The following PCDHGA4 variants were observed in gnomAD, a reference collection of about 807,000 sequenced individuals.
The protein encoded by PCDHGA4 is protocadherin gamma subfamily A, 4, also known as protocadherin gamma-A4.
In PCDHGA4, 38 loss-of-function variants were observed where a neutral mutation model predicts 54.6. The observed-to-expected ratio is 0.70, with a 90% CI of 0.54 to 0.91. PCDHGA4 has a LOEUF of 0.91. Among genes scored for constraint, PCDHGA4 ranks in the 40% least tolerant of loss-of-function variants. The pLI, the probability that PCDHGA4 is intolerant of heterozygous loss-of-function variation, is 0.00. For missense variants in PCDHGA4, 1,298 were observed against 1,220.9 expected, an observed-to-expected ratio of 1.06 and a Z score of -0.94; for synonymous variants, 511 against 512.9, an observed-to-expected ratio of 1.00 and a Z score of 0.05.
rs748115530 is a variant in PCDHGA4 at position 141,489,429 on chromosome 5, G to C, written c.2515-5378G>C. 5 of 1,614,022 alleles carry C rather than the reference G, an allele frequency of 3.1e-6. No individual in the cohort carries two copies. The East Asian group carries it at 8.9e-5, about 29-fold the overall frequency. ...AGATGACAGATCTGTTGAGCCGGCG[G>C]CTGCAATTGGGCTCTGAGGAGAATG... On this transcript the variant is annotated intron_variant, in intron 1 of 3. Transcript: ENST00000571252. The surrounding 1 kb of genome is among the most constrained non-coding windows in gnomAD (Gnocchi z 4.5).
chr5:141,480,429 T>A (rs72790066), intron 1 of PCDHGA4, among the ~76,000 whole-genome samples: 9,317 of 151,926 alleles, frequency 0.061, 335 homozygotes, highest in South Asian at 0.12. Context: ...AAAAAAATTA[T>A]CAGCTATTAC....
At chr5:141,373,805 GAT>G in intron 1 of PCDHGA4, 2 of 337,732 alleles carry the variant, frequency 5.9e-6, no homozygotes, top group African/African-American at 2.1e-5. Context: ...TCCTCTGTGT[GAT>G]AGTTTCACAA....
intron 1 of PCDHGA4, chr5:141,389,522 G>T (rs983186726): frequency 5.0e-6 from 8 of 1,613,060 alleles, no homozygotes; most frequent in Middle Eastern, 3.3e-4. Flanking sequence ...ACGTGAGCCT[G>T]CGCGTGTTAG....
chr5:141,374,510 C>T (rs760895208), intron 1 of PCDHGA4: 2 of 1,611,824 alleles, frequency 1.2e-6, no homozygotes, highest in East Asian at 2.2e-5. Context: ...AGTGAAAATT[C>T]TCGAAAACGC....
rs1348847945 is a variant in PCDHGA4, at chr5:141,493,426, C to G, written c.2515-1381C>G. ...TGCCTCTGCTGGGATTTTGCTTCTG[C>G]TGGGATGGGGCAAGGGTGGGGTTCC... On this transcript the variant is annotated intron_variant, in intron 1 of 3. Transcript: ENST00000571252. The surrounding 1 kb of genome is among the most constrained non-coding windows in gnomAD (Gnocchi z 4.3). Among the ~76,000 whole-genome samples, 2 of 152,144 alleles carry G rather than the reference C, an allele frequency of 1.3e-5. No homozygotes were observed. The highest frequency in any genetic ancestry group is 4.8e-5 in the African/African-American group (2 of 41,424).
intron 1 of PCDHGA4, among the ~76,000 whole-genome samples, chr5:141,381,823 C>CA (rs1777504204): frequency 2.0e-5 from 2 of 101,610 alleles, no homozygotes; most frequent in African/African-American, 8.6e-5. Flanking sequence ...TTTCTTTCTT[C>CA]TTCTTTTTTT....
At chr5:141,444,115 AG>A (rs1206374963) in intron 1 of PCDHGA4, among the ~76,000 whole-genome samples, 3 of 147,326 alleles carry the variant, frequency 2.0e-5, no homozygotes, top group Admixed American at 2.0e-4. Context: ...AGAAAAGTGA[AG>A]TATCTCAACA....
intron 1 of PCDHGA4, chr5:141,383,555 A>G: frequency 6.2e-7 from 1 of 1,611,868 alleles, no homozygotes; most frequent in East Asian, 2.2e-5. Context: ...GATGGCGGCG[A>G]CCCGCCCCGA....
At chr5:141,421,034 C>G (rs2096540283) in intron 1 of PCDHGA4, 2 of 538,266 alleles carry the variant, frequency 3.7e-6, no homozygotes, top group Non-Finnish European at 6.4e-6. Context: ...CATTGAGTCC[C>G]TCCCTCCCCC....
chr5:141,433,291 T>A, intron 1 of PCDHGA4: 1 of 1,094,048 alleles, frequency 9.1e-7, no homozygotes, highest in Non-Finnish European at 1.3e-6. Flanking sequence ...ACTCCTAGGC[T>A]CAAGCAATTA....
chr5:141,389,463 G>C (rs1201903320), intron 1 of PCDHGA4: 1 of 1,613,192 alleles, frequency 6.2e-7, no homozygotes, highest in African/African-American at 1.3e-5. Context: ...GCGCGCCTTC[G>C]AACTCACACT....
At chr5:141,500,360 T>C (rs1224064939) in intron 2 of PCDHGA4, among the ~76,000 whole-genome samples, 1 of 151,664 alleles carries the variant, frequency 6.6e-6, no homozygotes, top group Non-Finnish European at 1.5e-5. Context: ...AGGCGCCCAC[T>C]ACCACGCCCG....
At chr5:141,410,480 G>A in intron 1 of PCDHGA4, 1 of 1,613,966 alleles carries the variant, frequency 6.2e-7, no homozygotes, top group Non-Finnish European at 8.5e-7. Context: ...TGCACATACG[G>A]GTACAAAAGA....
chr5:141,414,903 C>A, intron 1 of PCDHGA4: 2 of 1,614,218 alleles, frequency 1.2e-6, no homozygotes, highest in Non-Finnish European at 1.7e-6. Flanking sequence ...CAGACGGTTC[C>A]ACAGGCGTGG....
intron 1 of PCDHGA4, chr5:141,361,139 T>G (rs1305491971): frequency 1.2e-6 from 2 of 1,613,878 alleles, no homozygotes; most frequent in Non-Finnish European, 1.7e-6. Context: ...AGTATCCAAG[T>G]TGAAATTCTT....
At position 141,404,735 on chromosome 5, in the gene PCDHGA4, G is replaced by A. The variant is rs2094561317; in HGVS notation, c.2514+47114G>A. The stretch of plus-strand genomic sequence containing the variant: ...CCTGGTGACCAAGGTGGTGGCAGTG[G>A]ACAGAGACTCAGGCCAGAATGCTTG... On this transcript the variant is annotated intron_variant, in intron 1 of 3. Transcript: ENST00000571252. 6.2e-7 allele frequency: 1 copy of A among 1,614,014 alleles called. No homozygotes were observed. The highest frequency in any genetic ancestry group is 8.5e-7 in the Non-Finnish European group (1 of 1,180,032).
At chr5:141,460,951 G>GTATATATA (rs200454978) in intron 1 of PCDHGA4, among the ~76,000 whole-genome samples, 42 of 139,772 alleles carry the variant, frequency 3.0e-4, no homozygotes, top group African/African-American at 1.1e-3. Context: ...TATGTATTAT[G>GTATATATA]TATATATATA....
At position 141,399,286 on chromosome 5, in the gene PCDHGA4, C is replaced by T; in HGVS notation, c.2514+41665C>T. 3.1e-6 allele frequency: 5 copies of T among 1,613,858 alleles called. No individual in the cohort carries two copies. In the South Asian group the frequency reaches 5.5e-5, roughly 18 times the overall value. ...TAATTGTCAATTACAAGGCGAAGTCCCTTTTAAGATTATCTCTTCATCCAA... is the reference window on the plus strand; with the variant it reads ...TAATTGTCAATTACAAGGCGAAGTCTCTTTTAAGATTATCTCTTCATCCAA... On this transcript the variant is annotated intron_variant, in intron 1 of 3. Transcript: ENST00000571252.
intron 1 of PCDHGA4, chr5:141,385,190 G>C (rs899564761): frequency 3.7e-6 from 6 of 1,614,166 alleles, no homozygotes; most frequent in Non-Finnish European, 5.1e-6. Context: ...GCGGACTCTC[G>C]GAAGAGTCAC....
Sources: allele counts gnomAD v4.1 joint callset (sites outside exome capture counted in the v4.1 genomes callset), GRCh38; gene constraint gnomAD v4.1.1; non-coding constraint Gnocchi (gnomAD v3.1); transcripts MANE v1.5; gene names NCBI Gene and HGNC (gene_info 2026-07-23, HGNC 2026-07-21).